The following NHEJ1 variants were observed in gnomAD, a reference collection of about 807,000 sequenced individuals.
NHEJ1 encodes the protein non-homologous end-joining factor 1.
NHEJ1 carries 22 observed loss-of-function variants against 39.4 expected under a neutral mutation model. The observed-to-expected ratio is 0.56, with a 90% CI of 0.40 to 0.80. NHEJ1 has a LOEUF of 0.80. NHEJ1 is among the 30% of genes least tolerant of loss of function. The pLI is 0.00. For missense variants in NHEJ1, 329 were observed against 357.1 expected (o/e 0.92, Z 0.63); for synonymous variants, 154 against 135.6 (o/e 1.14, Z -0.94).
intron 5 of NHEJ1, among the ~76,000 whole-genome samples, chr2:219,107,609 C>T (rs1949325950): frequency 6.6e-6 from 1 of 152,122 alleles, no homozygotes; most frequent in Non-Finnish European, 1.5e-5. Flanking sequence ...CAGGCTGCTC[C>T]CAAATAATCT....
chr2:219,101,818 C>T (rs530385591), intron 5 of NHEJ1, among the ~76,000 whole-genome samples: 5 of 151,788 alleles, frequency 3.3e-5, no homozygotes, highest in South Asian at 2.1e-4. Flanking sequence ...TTCTGCCTCC[C>T]GGGTTCAAGC....
intron 5 of NHEJ1, among the ~76,000 whole-genome samples, chr2:219,120,287 A>G (rs773056767): frequency 1.3e-5 from 2 of 152,204 alleles, no homozygotes; most frequent in Non-Finnish European, 2.9e-5. Context: ...TGAGTCACAC[A>G]AGGTCCATAC....
intron 3 of NHEJ1, among the ~76,000 whole-genome samples, chr2:219,155,202 G>A (rs1426590802): frequency 2.6e-5 from 4 of 151,332 alleles, no homozygotes; most frequent in Admixed American, 6.6e-5. Flanking sequence ...AAATGGTTTG[G>A]TCCCAGAACA....
intron 5 of NHEJ1, among the ~76,000 whole-genome samples, chr2:219,099,531 T>G (rs1239336103): frequency 6.6e-6 from 1 of 151,696 alleles, no homozygotes; most frequent in Non-Finnish European, 1.5e-5. Context: ...AAGAAATGAG[T>G]AGGAATTACT....
intron 5 of NHEJ1, among the ~76,000 whole-genome samples, chr2:219,119,152 G>T (rs151302490): frequency 3.3e-5 from 5 of 152,086 alleles, no homozygotes; most frequent in African/African-American, 1.2e-4. Flanking sequence ...CCAGTCTCCC[G>T]GAGAAATAAG....
chr2:219,142,409 C>T (rs1229485587), intron 5 of NHEJ1, among the ~76,000 whole-genome samples: 3 of 152,304 alleles, frequency 2.0e-5, no homozygotes, highest in East Asian at 3.9e-4. Flanking sequence ...AGCCTGGCCG[C>T]GTCTGGTTTG....
intron 5 of NHEJ1, chr2:219,095,182 T>C (rs1192143909): frequency 4.7e-6 from 2 of 424,018 alleles, no homozygotes; most frequent in African/African-American, 2.1e-5. Flanking sequence ...GCTTTCTTCC[T>C]TTCCCACTTC....
intron 5 of NHEJ1, among the ~76,000 whole-genome samples, chr2:219,079,614 C>T (rs1004346132): frequency 6.6e-6 from 1 of 152,226 alleles, no homozygotes; most frequent in South Asian, 2.1e-4. Context: ...CGAGTCCAAA[C>T]TTTGCCTCTA....
At chr2:219,093,552 G>GT in intron 5 of NHEJ1, among the ~76,000 whole-genome samples, 1 of 152,298 alleles carries the variant, frequency 6.6e-6, no homozygotes, top group African/African-American at 2.4e-5. Flanking sequence ...CAAGACAGAT[G>GT]TAGATCTGGG....
intron 5 of NHEJ1, among the ~76,000 whole-genome samples, chr2:219,080,438 C>T (rs921361642): frequency 2.0e-5 from 3 of 151,522 alleles, no homozygotes; most frequent in South Asian, 2.1e-4. Flanking sequence ...GGCAGCAGAA[C>T]GGCGTGAACC....
At chr2:219,097,045 A>G (rs1949215506) in intron 5 of NHEJ1, among the ~76,000 whole-genome samples, 1 of 152,216 alleles carries the variant, frequency 6.6e-6, no homozygotes, top group South Asian at 2.1e-4. Context: ...ATATGCATTC[A>G]GTAGATATTC....
At chr2:219,122,217 T>C (rs575289633) in intron 5 of NHEJ1, among the ~76,000 whole-genome samples, 1 of 152,292 alleles carries the variant, frequency 6.6e-6, no homozygotes, top group South Asian at 2.1e-4. Context: ...AAAATTTTAC[T>C]TTACTTTCCT....
chr2:219,076,580 T>G, intron 7 of NHEJ1, 125 bp from the exon 8 acceptor site: 3 of 792,894 alleles, frequency 3.8e-6, no homozygotes, highest in Non-Finnish European at 5.9e-6. Flanking sequence ...TTTTTTTTTT[T>G]CCACCCAGGC....
intron 5 of NHEJ1, among the ~76,000 whole-genome samples, chr2:219,136,818 A>C (rs981920969): frequency 1.3e-5 from 2 of 151,312 alleles, no homozygotes; most frequent in African/African-American, 4.9e-5. Flanking sequence ...GGCCAGGCTG[A>C]TCTCAAACTC....
chr2:219,152,630 T>C (rs1010960017), intron 3 of NHEJ1, among the ~76,000 whole-genome samples: 11 of 151,838 alleles, frequency 7.2e-5, no homozygotes, highest in African/African-American at 2.4e-5. Context: ...ACCTATTTTT[T>C]TTATTTTTTT....
intron 5 of NHEJ1, among the ~76,000 whole-genome samples, chr2:219,121,039 A>G (rs1192950071): frequency 2.6e-5 from 4 of 152,138 alleles, no homozygotes; most frequent in African/African-American, 9.7e-5. Flanking sequence ...TCTACTAAAA[A>G]TACAAAATTA....
At chr2:219,103,146 A>G (rs1166984528) in intron 5 of NHEJ1, among the ~76,000 whole-genome samples, 4 of 148,714 alleles carry the variant, frequency 2.7e-5, no homozygotes, top group African/African-American at 1.0e-4. Context: ...ACACCATTGC[A>G]CTCTTTATAA....
chr2:219,110,553 T>C (rs1949356631), intron 5 of NHEJ1, among the ~76,000 whole-genome samples: 1 of 148,702 alleles, frequency 6.7e-6, no homozygotes, highest in African/African-American at 2.5e-5. Context: ...GTGTGGTATA[T>C]TGGGTTATGG....
intron 5 of NHEJ1, among the ~76,000 whole-genome samples, chr2:219,103,386 C>G (rs1949284644): frequency 6.6e-6 from 1 of 152,016 alleles, no homozygotes; most frequent in African/African-American, 2.4e-5. Flanking sequence ...AGCGATTCTC[C>G]TGTCTCAGAC....
Sources: gnomAD v4.1 joint callset for allele counts (sites outside exome capture counted in the v4.1 genomes callset) on GRCh38, gnomAD v4.1.1 for gene constraint, MANE v1.5 for transcripts, NCBI Gene and HGNC (gene_info 2026-07-23, HGNC 2026-07-21) for gene names.